The following TMEM120B variants were observed in gnomAD, a reference collection of about 807,000 sequenced individuals.
The protein encoded by TMEM120B is transmembrane protein 120B.
TMEM120B carries 31 observed loss-of-function variants against 55.5 expected under a neutral mutation model. That is an observed-to-expected ratio of 0.56 (90% CI 0.42 to 0.75). TMEM120B has a LOEUF of 0.75. Ranked by LOEUF, TMEM120B falls within the 30% of genes least tolerant of loss-of-function variation. TMEM120B has a pLI of 0.00. For synonymous variants in TMEM120B, 203 were observed against 176.3 expected (o/e 1.15, Z -1.20); for missense variants, 399 against 425.5 (o/e 0.94, Z 0.55).
intron 1 of TMEM120B, among the ~76,000 whole-genome samples, chr12:121,741,883 T>G (rs1872942455): frequency 6.6e-6 from 1 of 151,536 alleles, no homozygotes; most frequent in Non-Finnish European, 1.5e-5. Flanking sequence ...GAGAAGGGAG[T>G]CACCCTTTCA....
At chr12:121,718,559 G>A (rs1894742873) in intron 1 of TMEM120B, among the ~76,000 whole-genome samples, 1 of 152,038 alleles carries the variant, frequency 6.6e-6, no homozygotes, top group Non-Finnish European at 1.5e-5. Flanking sequence ...TTTAGATGAG[G>A]AGATTGAAGC....
intron 6 of TMEM120B, among the ~76,000 whole-genome samples, chr12:121,769,204 G>T (rs1873948470): frequency 6.6e-6 from 1 of 151,326 alleles, no homozygotes; most frequent in African/African-American, 2.4e-5. Flanking sequence ...GGAGTGCTGA[G>T]TTCTGGAAAC....
intron 5 of TMEM120B, among the ~76,000 whole-genome samples, chr12:121,753,712 A>AAAAAAGAG (rs1165264883): frequency 2.6e-5 from 4 of 152,226 alleles, no homozygotes; most frequent in Admixed American, 1.3e-4. Context: ...TATTTAAAAA[A>AAAAAAGAG]AAAAAGAGAA....
chr12:121,773,795 G>T (rs1874143824), intron 9 of TMEM120B, among the ~76,000 whole-genome samples: 1 of 113,522 alleles, frequency 8.8e-6, no homozygotes, highest in African/African-American at 4.3e-5. Context: ...CCATTTGTGT[G>T]TAACATGTCT....
At chr12:121,764,189 A>T (rs1873772112) in intron 6 of TMEM120B, among the ~76,000 whole-genome samples, 1 of 150,390 alleles carries the variant, frequency 6.6e-6, no homozygotes, top group Admixed American at 6.6e-5. Flanking sequence ...TTAGCTGGGC[A>T]TGGTGGTGTG....
At chr12:121,770,391 A>G (rs1198695864) in intron 6 of TMEM120B, among the ~76,000 whole-genome samples, 1 of 152,122 alleles carries the variant, frequency 6.6e-6, no homozygotes, top group Admixed American at 6.6e-5. Flanking sequence ...CTGTCTTCAA[A>G]TACAGTCACG....
At chr12:121,742,077 A>G (rs1872949250) in intron 1 of TMEM120B, among the ~76,000 whole-genome samples, 1 of 150,200 alleles carries the variant, frequency 6.7e-6, no homozygotes, top group South Asian at 2.1e-4. Context: ...ATCTCAGCTC[A>G]CTGCAACCTC....
chr12:121,736,626 T>G (rs371482752), intron 1 of TMEM120B, among the ~76,000 whole-genome samples: 1 of 152,152 alleles, frequency 6.6e-6, no homozygotes, highest in Non-Finnish European at 1.5e-5. Context: ...CTCAGCACAC[T>G]GCAACCTCCG....
intron 6 of TMEM120B, among the ~76,000 whole-genome samples, chr12:121,765,410 A>AT (rs1368957389): frequency 2.0e-5 from 3 of 152,116 alleles, no homozygotes; most frequent in African/African-American, 7.2e-5. Flanking sequence ...GATTAGAGGC[A>AT]TGAGCCACTG....
chr12:121,754,484 C>T (rs1048407775), intron 5 of TMEM120B, among the ~76,000 whole-genome samples: 2 of 152,210 alleles, frequency 1.3e-5, no homozygotes, highest in Non-Finnish European at 2.9e-5. Context: ...TGGAAGCCGG[C>T]GGTCTGAAAG....
Position 121,732,154 on chromosome 12 carries a change from C to A in TMEM120B, c.70-11475C>A, listed in dbSNP as rs191180715. On this transcript the variant is annotated intron_variant, in intron 1 of 11. Coordinates refer to ENST00000449592, the MANE Select transcript of TMEM120B (RefSeq NM_001080825.2). ...TCCATCTCAAAAGGAAAGAAAGAGTCTGGAAAAAAGTAAGGATACAAGAAA... is the reference window on the plus strand; with the variant it reads ...TCCATCTCAAAAGGAAAGAAAGAGTATGGAAAAAAGTAAGGATACAAGAAA... Among the ~76,000 whole-genome samples, 6 of 152,222 alleles carry A rather than the reference C, an allele frequency of 3.9e-5. No individual in the cohort carries two copies. In the East Asian group the frequency reaches 1.2e-3, roughly 29 times the overall value.
At chr12:121,754,585 C>A (rs969423534) in intron 5 of TMEM120B, among the ~76,000 whole-genome samples, 1 of 152,184 alleles carries the variant, frequency 6.6e-6, no homozygotes, top group Non-Finnish European at 1.5e-5. Context: ...CCAGCAAGCC[C>A]GTATTGCCTG....
chr12:121,772,428 C>A (rs955479465), intron 8 of TMEM120B, among the ~76,000 whole-genome samples: 1 of 150,910 alleles, frequency 6.6e-6, no homozygotes, highest in Non-Finnish European at 1.5e-5. Context: ...CCACGCCGTA[C>A]CGTTTCTTTC....
At chr12:121,736,375 A>G (rs191675334) in intron 1 of TMEM120B, among the ~76,000 whole-genome samples, 33 of 140,224 alleles carry the variant, frequency 2.4e-4, no homozygotes, top group East Asian at 2.1e-3. Flanking sequence ...TTACCATGTT[A>G]GCCAGGATTG....
At position 121,775,152 on chromosome 12, in the gene TMEM120B, T is replaced by C. The variant is rs1249396191; in HGVS notation, c.906+22T>C. On this transcript the variant is annotated intron_variant, in intron 11 of 11. Transcript: ENST00000449592. This position sits in a 1 kb window ranked among gnomAD's most constrained non-coding sequence, Gnocchi z 4.3. ...GCAGGTATGGGGGGTGGGGGCATGC[T>C]CGGGGGAGGTTCCCGGGAGGGCTGG... is the stretch of plus-strand genomic sequence containing the variant. The C allele has an allele frequency of 2.5e-6, 1 of 400,104 alleles. No homozygotes were observed. The highest frequency in any genetic ancestry group is 2.6e-5 in the South Asian group (1 of 38,916). The allele number at this position is 400,104 out of a possible 1,614,324, so 24.8% of individuals were successfully genotyped here.
intron 1 of TMEM120B, among the ~76,000 whole-genome samples, chr12:121,718,232 C>T (rs1020193848): frequency 1.4e-4 from 21 of 152,172 alleles, no homozygotes; most frequent in Admixed American, 4.6e-4. Context: ...CCTGTAATCC[C>T]AGCACTTTGG....
rs1378920187 is a variant in TMEM120B, at chr12:121,781,835, A to ACAGCAC, written c.*6115_*6120dup. ...GGAGGAGGGTGGTGGGTTGCTGGGA[A>ACAGCAC]CAGCACCGAGCGCCCTCCCCACCCA... On this transcript the variant is annotated 3_prime_UTR_variant, in exon 12 of 12. Transcript: ENST00000449592. 6.6e-6 allele frequency: 1 copy of ACAGCAC among 152,664 alleles called. No homozygotes were observed. Among genetic ancestry groups the ACAGCAC allele is most frequent in the Non-Finnish European group, 1.5e-5 (1 of 68,440 alleles). 9.5% of individuals were successfully genotyped at this position (152,664 alleles called of 1,614,324 possible).
chr12:121,758,145 C>T, intron 5 of TMEM120B: 4 of 985,258 alleles, frequency 4.1e-6, no homozygotes, highest in Non-Finnish European at 4.8e-6. Context: ...GTCAGTGCCT[C>T]CTCAGACAGA....
At chr12:121,768,295 A>G (rs1264642770) in intron 6 of TMEM120B, among the ~76,000 whole-genome samples, 1 of 152,194 alleles carries the variant, frequency 6.6e-6, no homozygotes, top group Non-Finnish European at 1.5e-5. Flanking sequence ...ATTCATGTCA[A>G]CATTTATTGA....
Sources: gnomAD v4.1 joint callset for allele counts (sites outside exome capture counted in the v4.1 genomes callset) on GRCh38, gnomAD v4.1.1 for gene constraint, Gnocchi (gnomAD v3.1) non-coding constraint, MANE v1.5 for transcripts, NCBI Gene and HGNC (gene_info 2026-07-23, HGNC 2026-07-21) for gene names.